Variants in RMND1 observed in about 807,000 individuals in gnomAD.
RMND1 encodes the protein required for meiotic nuclear division protein 1 homolog.
RMND1 carries 41 observed loss-of-function variants against 54.0 expected under a neutral mutation model. That is an observed-to-expected ratio of 0.76 (90% CI 0.59 to 0.98). The LOEUF is 0.98. Ranked by LOEUF, RMND1 falls within the 50% of genes least tolerant of loss-of-function variation. RMND1 has a pLI of 0.00. For synonymous variants in RMND1, 183 were observed against 181.7 expected (o/e 1.01, Z -0.06); for missense variants, 457 against 532.0 (o/e 0.86, Z 1.39).
chr6:151,413,975 C>T (rs540036730), intron 10 of RMND1: 79 of 152,180 alleles, frequency 5.2e-4, no homozygotes, highest in African/African-American at 1.8e-3. Context: ...TTGCAAGGGG[C>T]GGTGTCTAGC....
At chr6:151,428,623 C>T (rs1398848720) in intron 5 of RMND1, among the ~76,000 whole-genome samples, 1 of 152,198 alleles carries the variant, frequency 6.6e-6, no homozygotes, top group South Asian at 2.1e-4. Flanking sequence ...CCTCAAACTC[C>T]TGGGTTCGAG....
intron 1 of RMND1, among the ~76,000 whole-genome samples, chr6:151,449,825 T>TCAGG (rs1781080923): frequency 2.0e-5 from 3 of 152,232 alleles, no homozygotes; most frequent in African/African-American, 7.2e-5. Flanking sequence ...GTTTTCGTAC[T>TCAGG]TTTTTGGTGG....
intron 10 of RMND1, among the ~76,000 whole-genome samples, chr6:151,407,139 G>A (rs530300311): frequency 6.6e-6 from 1 of 152,116 alleles, no homozygotes; most frequent in East Asian, 1.9e-4. Flanking sequence ...GGGTGCCAAA[G>A]TGAGATCCTG....
At chr6:151,450,168 A>G (rs12528859) in intron 1 of RMND1, among the ~76,000 whole-genome samples, 48,778 of 126,322 alleles carry the variant, frequency 0.39, 9,162 homozygotes, top group African/African-American at 0.59. Context: ...AGTGAGGAGC[A>G]CCTCTTCCCG....
At chr6:151,439,389 TGA>T (rs1199045450) in intron 2 of RMND1, among the ~76,000 whole-genome samples, 5 of 152,206 alleles carry the variant, frequency 3.3e-5, no homozygotes, top group Admixed American at 2.0e-4. Context: ...AGCTTATGCA[TGA>T]GAGTGCTTCT....
chr6:151,438,813 A>T (rs373545798), intron 2 of RMND1, among the ~76,000 whole-genome samples: 1 of 147,602 alleles, frequency 6.8e-6, no homozygotes, highest in East Asian at 1.9e-4. Context: ...TTTTTTTCCA[A>T]AAAAAACCCA....
At position 151,405,179 on chromosome 6, in the gene RMND1, A is replaced by T; in HGVS notation, c.*56T>A. 1.3e-6 allele frequency: 2 copies of T among 1,545,468 alleles called. No individual in the cohort carries two copies. The highest frequency in any genetic ancestry group is 1.8e-6 in the Non-Finnish European group (2 of 1,118,608). Reference sequence around the variant, plus strand: ...GGCACCGCGCCGGGCCGAACATTTAATTTTTGATTGTAGAACTTGAATATC... The same window carrying T: ...GGCACCGCGCCGGGCCGAACATTTATTTTTTGATTGTAGAACTTGAATATC... On this transcript the variant is annotated 3_prime_UTR_variant, in exon 12 of 12. Transcript: ENST00000444024.
intron 10 of RMND1, among the ~76,000 whole-genome samples, chr6:151,412,346 G>C (rs1320538132): frequency 2.6e-5 from 4 of 151,760 alleles, no homozygotes; most frequent in African/African-American, 4.8e-5. Flanking sequence ...GAGATGGGCG[G>C]GGGTATCACT....
chr6:151,430,069 A>T (rs1445731493), intron 5 of RMND1, 69 bp downstream of exon 5: 1 of 936,600 alleles, frequency 1.1e-6, no homozygotes, highest in African/African-American at 1.6e-5. Context: ...ATGTTTCAGT[A>T]TGTGCTAATT....
intron 2 of RMND1, 61 bp downstream of exon 2, chr6:151,445,247 A>C (rs763667117): frequency 1.6e-5 from 25 of 1,527,572 alleles, no homozygotes; most frequent in Non-Finnish European, 2.2e-5. Context: ...GGTGCAACGC[A>C]CACTGGTTTA....
At chr6:151,449,529 G>A (rs1426891524) in intron 1 of RMND1, among the ~76,000 whole-genome samples, 2 of 151,962 alleles carry the variant, frequency 1.3e-5, no homozygotes, top group East Asian at 1.9e-4. Context: ...TTCTCCCAGG[G>A]ATCTGAAAGG....
chr6:151,418,818 T>C (rs1780076247), intron 9 of RMND1, among the ~76,000 whole-genome samples: 1 of 152,162 alleles, frequency 6.6e-6, no homozygotes, highest in Admixed American at 6.5e-5. Flanking sequence ...TTGCCCAGGC[T>C]GGAGTGTATT....
chr6:151,405,876 T>C (rs776000579), intron 10 of RMND1, 40 bp from the exon 11 acceptor site: 1 of 1,044,324 alleles, frequency 9.6e-7, no homozygotes, highest in East Asian at 2.4e-5. Context: ...TTTAAACAAT[T>C]TAATACGGTC....
chr6:151,435,677 C>T (rs1222499021), intron 3 of RMND1, among the ~76,000 whole-genome samples: 1 of 151,644 alleles, frequency 6.6e-6, no homozygotes, highest in Admixed American at 6.6e-5. Context: ...GCCTCGGCCT[C>T]CCAAAGTGCT....
intron 5 of RMND1, among the ~76,000 whole-genome samples, chr6:151,427,802 A>T (rs1291787267): frequency 6.6e-6 from 1 of 152,236 alleles, no homozygotes; most frequent in Non-Finnish European, 1.5e-5. Flanking sequence ...AGAATGGAGA[A>T]GAAAATCAAG....
intron 2 of RMND1, among the ~76,000 whole-genome samples, chr6:151,437,714 A>T (rs1429245045): frequency 1.3e-5 from 2 of 152,124 alleles, no homozygotes; most frequent in Non-Finnish European, 2.9e-5. Flanking sequence ...AATTCTAGAG[A>T]AGTATATATT....
At chr6:151,435,123 C>T (rs1461265737) in intron 3 of RMND1, among the ~76,000 whole-genome samples, 1 of 150,452 alleles carries the variant, frequency 6.6e-6, no homozygotes. Context: ...TGCAGGATTA[C>T]AGGTATGAGG....
Position 151,405,845 on chromosome 6 carries a change from G to A in RMND1, c.1201-9C>T, listed in dbSNP as rs758346703. 2 of 1,461,306 alleles carry A rather than the reference G, an allele frequency of 1.4e-6. No individual in the cohort carries two copies. The highest frequency in any genetic ancestry group is 1.1e-5 in the South Asian group (1 of 87,382). 90.5% of individuals were successfully genotyped at this position (1,461,306 alleles called of 1,614,324 possible). ...AGTTTTTCATTCATGACCTATGTAA[G>A]AAAAATTTCAGTAACATGTATTTAA... is the stretch of plus-strand genomic sequence containing the variant. On this transcript the variant is annotated splice_polypyrimidine_tract_variant and intron_variant, in intron 10 of 11. Transcript: ENST00000444024.
intron 10 of RMND1, chr6:151,416,954 CTTAAA>C: frequency 5.8e-6 from 1 of 173,524 alleles, no homozygotes; most frequent in Non-Finnish European, 1.2e-5. Flanking sequence ...ATGATTCTTT[CTTAAA>C]TTTATTTCTA....
Sources: gnomAD v4.1 joint callset for allele counts (sites outside exome capture counted in the v4.1 genomes callset) on GRCh38, gnomAD v4.1.1 for gene constraint, MANE v1.5 for transcripts, NCBI Gene and HGNC (gene_info 2026-07-23, HGNC 2026-07-21) for gene names.